Variants in FAM53A observed in about 807,000 individuals in gnomAD.
The protein encoded by FAM53A is family with sequence similarity 53 member A.
In FAM53A, 28 loss-of-function variants were observed where a neutral mutation model predicts 26.6. That is an observed-to-expected ratio of 1.05 (90% CI 0.78 to 1.45). FAM53A has a LOEUF of 1.45. FAM53A is among the 40% of genes most tolerant of loss of function. The pLI is 0.00. For synonymous variants in FAM53A, 290 were observed against 253.1 expected (o/e 1.15, Z -1.38); for missense variants, 650 against 575.8 (o/e 1.13, Z -1.32).
At chr4:1,650,294 C>T (rs1480722661) in intron 4 of FAM53A, among the ~76,000 whole-genome samples, 34 of 132,058 alleles carry the variant, frequency 2.6e-4, no homozygotes, top group Admixed American at 5.4e-4. Flanking sequence ...GTGGCACAGG[C>T]GTGGTGTTTG....
At chr4:1,636,756 C>T (rs572034199), downstream of FAM53A, among the ~76,000 whole-genome samples, 6 of 152,342 alleles carry the variant, frequency 3.9e-5, no homozygotes, top group African/African-American at 1.4e-4. Context: ...GAGGGGTCCG[C>T]GTCTGCGTCT....
chr4:1,576,430 C>T, the FAM53A span, among the ~76,000 whole-genome samples: 5 of 152,218 alleles, frequency 3.3e-5, no homozygotes, highest in African/African-American at 4.8e-5. Context: ...GCCTGCAGCA[C>T]AGCGACGTGT....
chr4:1,652,165 C>G (rs1357042245), intron 4 of FAM53A, among the ~76,000 whole-genome samples: 1 of 136,490 alleles, frequency 7.3e-6, no homozygotes, highest in Non-Finnish European at 1.6e-5. Flanking sequence ...CACACACACA[C>G]CCCACACGCC....
rs533470513 is a variant in FAM53A, at chr4:1,627,984, G to T, written c.432-9873C>A. On this transcript the variant is annotated intron_variant, in intron 1 of 1. Coordinates refer to the FAM53A transcript ENST00000489029. ...CAGCATCCAGTGATGAGGCTGAGAG[G>T]ATTCCATAGGCCCTGGGGTCAACCC... 3.7e-4 allele frequency among the ~76,000 whole-genome samples: 52 copies of T among 140,490 alleles called. 2 individuals are homozygous for T. In the South Asian group the frequency reaches 0.013, roughly 35 times the overall value. 92.2% of individuals were successfully genotyped at this position (140,490 alleles called of 152,430 possible). A position where few individuals can be genotyped will look rare whatever the true frequency, so the allele number is the denominator to read the frequency against.
intron 1 of FAM53A, among the ~76,000 whole-genome samples, chr4:1,678,953 T>G (rs1313288220): frequency 6.6e-6 from 1 of 151,822 alleles, no homozygotes. Flanking sequence ...ATAGATGACT[T>G]TGGGTTTGGC....
chr4:1,682,280 T>TC (rs1183527704), intron 1 of FAM53A, among the ~76,000 whole-genome samples: 1 of 150,604 alleles, frequency 6.6e-6, no homozygotes, highest in Non-Finnish European at 1.5e-5. Flanking sequence ...TTTTTTTTTT[T>TC]TGAGACAGAG....
rs369229196 is a variant in FAM53A, at chr4:1,645,244, T to C, written c.883-3637A>G. ...CAGAGGCCCACAGGGCGCAGGGATG[T>C]CCATGGCACAGGCAGGGACAGAGAT... On this transcript the variant is annotated intron_variant, in intron 4 of 4. Coordinates refer to ENST00000308132, the MANE Select transcript of FAM53A (RefSeq NM_001174070.3). Among the ~76,000 whole-genome samples the C allele has an allele frequency of 5.3e-5, 8 of 152,312 alleles. No homozygotes were observed. The East Asian group carries it at 1.3e-3, about 26-fold the overall frequency.
intron 2 of FAM53A, among the ~76,000 whole-genome samples, chr4:1,658,271 C>T (rs1713564000): frequency 6.6e-6 from 1 of 152,194 alleles, no homozygotes; most frequent in African/African-American, 2.4e-5. Flanking sequence ...CTTCCCGCCT[C>T]AGCCTCACAA....
At chr4:1,590,645 C>T in the FAM53A span, among the ~76,000 whole-genome samples, 2 of 151,882 alleles carry the variant, frequency 1.3e-5, no homozygotes, top group Non-Finnish European at 2.9e-5. Context: ...ATATTTGAAA[C>T]AAATTTTGGG....
chr4:1,621,101 CTTTT>C lies in FAM53A; in HGVS notation c.432-2994_432-2991del, dbSNP rs574102929. On this transcript the variant is annotated intron_variant, in intron 1 of 1. Coordinates refer to the FAM53A transcript ENST00000489029. ...TTTCCTAGCTGAGTCAGCTACGCTA[CTTTT>C]TTTTTTTTTTTTTTTTTGAGATGGA... Among the ~76,000 whole-genome samples, 781 of 95,522 alleles carry C rather than the reference CTTTT, an allele frequency of 8.2e-3. 16 individuals carry two copies. The highest frequency in any genetic ancestry group is 0.03 in the African/African-American group (731 of 24,188). The allele number at this position is 95,522 out of a possible 152,430, so 62.7% of individuals were successfully genotyped here.
chr4:1,622,913 C>T (rs1048985543), intron 1 of FAM53A, among the ~76,000 whole-genome samples: 186 of 152,352 alleles, frequency 1.2e-3, no homozygotes, highest in African/African-American at 4.1e-3. Context: ...CACACGCACA[C>T]GGCCAGCATG....
At chr4:1,669,588 C>A (rs1458877636) in intron 1 of FAM53A, among the ~76,000 whole-genome samples, 1 of 152,198 alleles carries the variant, frequency 6.6e-6, no homozygotes, top group Non-Finnish European at 1.5e-5. Flanking sequence ...CCAGCGTGTC[C>A]CCAAACTGCC....
the FAM53A span, among the ~76,000 whole-genome samples, chr4:1,606,423 G>A: frequency 9.9e-4 from 150 of 152,092 alleles, no homozygotes; most frequent in African/African-American, 3.2e-3. Context: ...TCTTCCCGCC[G>A]CGGGCTCCTC....
intron 1 of FAM53A, among the ~76,000 whole-genome samples, chr4:1,633,407 T>C (rs74596366): frequency 0.062 from 9,362 of 152,138 alleles, 420 homozygotes; most frequent in Admixed American, 0.13. Flanking sequence ...GAAAGAGAAA[T>C]TGCAGGTCCA....
chr4:1,616,734 T>C (rs549166904), downstream of FAM53A, among the ~76,000 whole-genome samples: 6 of 152,352 alleles, frequency 3.9e-5, no homozygotes, highest in East Asian at 1.2e-3. Flanking sequence ...AGTCACACTG[T>C]TGCCTGCTTC....
At chr4:1,586,071 T>C in the FAM53A span, among the ~76,000 whole-genome samples, 4 of 152,258 alleles carry the variant, frequency 2.6e-5, 1 homozygote, top group South Asian at 8.3e-4. Context: ...TACTCAATTG[T>C]GTATATAGAC....
intron 4 of FAM53A, among the ~76,000 whole-genome samples, chr4:1,648,627 C>T (rs955723971): frequency 1.3e-5 from 2 of 152,192 alleles, no homozygotes; most frequent in African/African-American, 4.8e-5. Flanking sequence ...ACACTGAAGA[C>T]ACTCGTGAGC....
intron 1 of FAM53A, among the ~76,000 whole-genome samples, chr4:1,681,489 T>C (rs58378953): frequency 0.086 from 13,073 of 151,468 alleles, 1,657 homozygotes; most frequent in African/African-American, 0.27. Context: ...GAAGTGTTCC[T>C]TTTGCAACCC....
intron 1 of FAM53A, among the ~76,000 whole-genome samples, chr4:1,633,681 C>T (rs1560121619): frequency 6.6e-6 from 1 of 152,112 alleles, no homozygotes; most frequent in Non-Finnish European, 1.5e-5. Context: ...ATAAGCAAGG[C>T]TCCAAGCATC....
Sources: gnomAD v4.1 joint callset for allele counts (sites outside exome capture counted in the v4.1 genomes callset) on GRCh38, gnomAD v4.1.1 for gene constraint, MANE v1.5 for transcripts, NCBI Gene and HGNC (gene_info 2026-07-23, HGNC 2026-07-21) for gene names.